The following TBC1D4 variants were observed in gnomAD, a reference collection of about 807,000 sequenced individuals.
TBC1D4 encodes the protein TBC1 domain family member 4.
TBC1D4 carries 121 observed loss-of-function variants against 142.5 expected under a neutral mutation model. The ratio of observed to expected loss-of-function variants is 0.85; its 90% CI spans 0.73 to 0.99. The LOEUF (loss-of-function observed/expected upper bound fraction) is 0.99. TBC1D4 is among the 50% of genes least tolerant of loss of function. The pLI, the probability that TBC1D4 is intolerant of heterozygous loss-of-function variation, is 0.00. For missense variants in TBC1D4, 1,475 were observed against 1,606.6 expected (o/e 0.92, Z 1.40); for synonymous variants, 630 against 628.2 (o/e 1.00, Z -0.04).
intron 1 of TBC1D4, among the ~76,000 whole-genome samples, chr13:75,434,867 G>C (rs548020217): frequency 2.0e-4 from 30 of 150,920 alleles, no homozygotes; most frequent in Non-Finnish European, 4.0e-4. Context: ...ACAATTATAG[G>C]CCTGGTACGG....
Position 75,324,406 on chromosome 13 carries a change from G to A in TBC1D4, c.2034-5C>T. The A allele has an allele frequency of 1.2e-6, 2 of 1,613,726 alleles. No homozygotes were observed. ...CGTCGAACTGACGAAAGATTGCTGA[G>A]TACAGAAAATACAGCAAATATGTCT... On this transcript the variant is annotated splice_region_variant and splice_polypyrimidine_tract_variant and intron_variant, in intron 10 of 20. Transcript: ENST00000377636.
chr13:75,354,219 AC>A (rs1224801293), intron 4 of TBC1D4, among the ~76,000 whole-genome samples: 1 of 152,218 alleles, frequency 6.6e-6, no homozygotes, highest in Non-Finnish European at 1.5e-5. Context: ...AGTGAGCCCC[AC>A]TGTGTGCTAC....
intron 17 of TBC1D4, among the ~76,000 whole-genome samples, chr13:75,298,178 G>T (rs922075945): frequency 2.6e-5 from 4 of 152,178 alleles, no homozygotes; most frequent in African/African-American, 7.2e-5. Flanking sequence ...GATGAACTGG[G>T]AGTCATGCAT....
At chr13:75,466,343 T>G (rs1369472307) in intron 1 of TBC1D4, among the ~76,000 whole-genome samples, 1 of 152,228 alleles carries the variant, frequency 6.6e-6, no homozygotes, top group Non-Finnish European at 1.5e-5. Flanking sequence ...TTCCTGCATT[T>G]ACTCCATCCG....
At chr13:75,375,156 T>C (rs1196233045) in intron 1 of TBC1D4, among the ~76,000 whole-genome samples, 1 of 152,192 alleles carries the variant, frequency 6.6e-6, no homozygotes, top group Admixed American at 6.5e-5. Flanking sequence ...ACCATACTCC[T>C]TCACTGCAGA....
intron 1 of TBC1D4, among the ~76,000 whole-genome samples, chr13:75,427,077 C>G (rs887077328): frequency 1.3e-5 from 2 of 151,470 alleles, no homozygotes; most frequent in Admixed American, 6.6e-5. Context: ...GAATGAATAC[C>G]TTCAAAATAT....
chr13:75,340,549 A>G (rs1280536379), intron 7 of TBC1D4, among the ~76,000 whole-genome samples: 1 of 152,248 alleles, frequency 6.6e-6, no homozygotes, highest in African/African-American at 2.4e-5. Flanking sequence ...ATTCTAAATC[A>G]CGAACATGTA....
At chr13:75,343,950 C>T (rs1880936240) in intron 5 of TBC1D4, among the ~76,000 whole-genome samples, 1 of 152,164 alleles carries the variant, frequency 6.6e-6, no homozygotes, top group African/African-American at 2.4e-5. Flanking sequence ...AAGTGATTCT[C>T]ATGCCTCAAC....
chr13:75,378,282 GTTT>G (rs1400512072), intron 1 of TBC1D4, among the ~76,000 whole-genome samples: 1 of 152,020 alleles, frequency 6.6e-6, no homozygotes, highest in Non-Finnish European at 1.5e-5. Context: ...CTTTTGGAAT[GTTT>G]TGTTTTAAAA....
intron 17 of TBC1D4, among the ~76,000 whole-genome samples, chr13:75,296,063 A>C (rs1875886717): frequency 6.6e-6 from 1 of 150,702 alleles, no homozygotes; most frequent in Non-Finnish European, 1.5e-5. Context: ...AACTATGCAA[A>C]AATACAAAAA....
intron 16 of TBC1D4, among the ~76,000 whole-genome samples, chr13:75,302,028 G>GT (rs978594116): frequency 7.9e-5 from 12 of 152,152 alleles, no homozygotes; most frequent in Non-Finnish European, 1.5e-5. Context: ...CAGAGGCAAA[G>GT]TTTTGGGGTG....
At chr13:75,423,998 T>C (rs1392183937) in intron 1 of TBC1D4, among the ~76,000 whole-genome samples, 2 of 152,074 alleles carry the variant, frequency 1.3e-5, no homozygotes, top group Non-Finnish European at 2.9e-5. Context: ...TTTGAAAAAA[T>C]TATGAGTCGC....
At chr13:75,287,861 G>A (rs1874857371) in intron 20 of TBC1D4, among the ~76,000 whole-genome samples, 1 of 152,002 alleles carries the variant, frequency 6.6e-6, no homozygotes, top group East Asian at 1.9e-4. Flanking sequence ...CAGGTGCAGT[G>A]TTGGGGAAAT....
rs946090606 is a variant in TBC1D4 at position 75,481,979 on chromosome 13, G to T, written c.-212C>A. 1.7e-4 allele frequency: 103 copies of T among 598,860 alleles called. No homozygotes were observed. Among genetic ancestry groups the T allele is most frequent in the Non-Finnish European group, 2.3e-4 (95 of 408,332 alleles). The allele number at this position is 598,860 out of a possible 1,614,324, so 37.1% of individuals were successfully genotyped here. ...CTCGGAGGCTCCGGCGGCGGGCACC[G>T]AGGCAAGCGCCCGGCAGGCGAGGGC... On this transcript the variant is annotated 5_prime_UTR_variant, in exon 1 of 21. Coordinates refer to ENST00000377636, the MANE Select transcript of TBC1D4 (RefSeq NM_014832.5).
Position 75,369,879 on chromosome 13 carries a change from T to G in TBC1D4, c.499-7272A>C, listed in dbSNP as rs1883132180. 2.0e-5 allele frequency among the ~76,000 whole-genome samples: 3 copies of G among 152,288 alleles called. No individual in the cohort carries two copies. In the Middle Eastern group the frequency reaches 0.01, roughly 518 times the overall value. On this transcript the variant is annotated intron_variant, in intron 1 of 20. Transcript: ENST00000377636. Reference sequence around the variant, plus strand: ...GGCTAAATCAAATTGCCTGCCTTCATGAAATTTAAATTGAGGTGGCGAGAT... The same window carrying G: ...GGCTAAATCAAATTGCCTGCCTTCAGGAAATTTAAATTGAGGTGGCGAGAT...
At chr13:75,315,153 C>T (rs916614140) in intron 12 of TBC1D4, among the ~76,000 whole-genome samples, 2 of 150,942 alleles carry the variant, frequency 1.3e-5, no homozygotes, top group Non-Finnish European at 3.0e-5. Context: ...ACTGAAAATA[C>T]AAAAATTAGC....
chr13:75,405,292 A>G (rs1356864533), intron 1 of TBC1D4, among the ~76,000 whole-genome samples: 1 of 134,032 alleles, frequency 7.5e-6, no homozygotes, highest in Non-Finnish European at 1.5e-5. Context: ...TTTTGGAGAG[A>G]TGGAGTCTCG....
intron 17 of TBC1D4, among the ~76,000 whole-genome samples, chr13:75,297,713 C>T (rs1012002267): frequency 1.7e-4 from 25 of 150,858 alleles, no homozygotes; most frequent in South Asian, 1.5e-3. Context: ...GCCAAGATCG[C>T]GCCACTGCAC....
intron 1 of TBC1D4, among the ~76,000 whole-genome samples, chr13:75,368,185 G>C (rs183127894): frequency 6.6e-6 from 1 of 152,176 alleles, no homozygotes; most frequent in Non-Finnish European, 1.5e-5. Flanking sequence ...ATTTGAAAAT[G>C]ATAGAACTGT....
Sources: allele counts gnomAD v4.1 joint callset (sites outside exome capture counted in the v4.1 genomes callset), GRCh38; gene constraint gnomAD v4.1.1; transcripts MANE v1.5; gene names NCBI Gene and HGNC (gene_info 2026-07-23, HGNC 2026-07-21).